The following TADA2A variants were observed in gnomAD, a reference collection of about 807,000 sequenced individuals.
TADA2A encodes transcriptional adapter 2-alpha.
TADA2A carries 38 observed loss-of-function variants against 67.4 expected under a neutral mutation model. The ratio of observed to expected loss-of-function variants is 0.56; its 90% CI spans 0.44 to 0.74. The LOEUF is 0.74. TADA2A is among the 30% of genes least tolerant of loss of function. The probability of loss-of-function intolerance (pLI) is 0.00; values close to 1 mark genes in which losing one functional copy is unlikely to be tolerated. For synonymous variants in TADA2A, 192 were observed against 181.6 expected (o/e 1.06, Z -0.46); for missense variants, 454 against 547.0 (o/e 0.83, Z 1.70).
At chr17:37,454,918 C>A in intron 8 of TADA2A, 1 of 215,272 alleles carries the variant, frequency 4.6e-6, no homozygotes, top group Non-Finnish European at 1.0e-5. Flanking sequence ...TGTCAGCTCC[C>A]CGAGGTGGTT....
chr17:37,412,652 C>T (rs865898209), intron 2 of TADA2A, among the ~76,000 whole-genome samples: 2 of 151,574 alleles, frequency 1.3e-5, no homozygotes, highest in East Asian at 2.0e-4. Flanking sequence ...GGGGTAATGG[C>T]GAGTAACTAT....
chr17:37,446,578 A>G lies in TADA2A; in HGVS notation c.604+1810A>G, dbSNP rs184609121. 5.3e-5 allele frequency among the ~76,000 whole-genome samples: 8 copies of G among 151,160 alleles called. No individual in the cohort carries two copies. In the East Asian group the frequency reaches 1.6e-3, roughly 30 times the overall value. On this transcript the variant is annotated intron_variant, in intron 8 of 15. Transcript: ENST00000615182. ...CGAGAGTTCAAGACCAGCCTGGGCA[A>G]CACAGTGAGACCCTGTCTCTAAAAA...
intron 9 of TADA2A, 83 bp downstream of exon 9, chr17:37,458,670 TGTG>T: frequency 9.3e-7 from 1 of 1,076,178 alleles, no homozygotes; most frequent in Non-Finnish European, 1.3e-6. Context: ...TGTGTGTGTG[TGTG>T]TCTGTGTCTG....
chr17:37,463,042 A>G (rs1044815362), intron 10 of TADA2A, among the ~76,000 whole-genome samples: 13 of 151,964 alleles, frequency 8.6e-5, no homozygotes, highest in African/African-American at 2.9e-4. Context: ...GTGTGATGGT[A>G]TCTTGCTGCA....
chr17:37,433,522 G>A (rs2052632624), intron 4 of TADA2A, among the ~76,000 whole-genome samples: 1 of 151,920 alleles, frequency 6.6e-6, no homozygotes, highest in African/African-American at 2.4e-5. Context: ...AGGTGGGTGT[G>A]GTTGCACATG....
chr17:37,469,324 GC>G (rs2053734775), intron 12 of TADA2A, among the ~76,000 whole-genome samples: 2 of 151,322 alleles, frequency 1.3e-5, no homozygotes, highest in South Asian at 4.2e-4. Flanking sequence ...TTTTGTGTGA[GC>G]CCCAATCTAC....
At chr17:37,445,830 T>A (rs2053062552) in intron 8 of TADA2A, among the ~76,000 whole-genome samples, 1 of 152,136 alleles carries the variant, frequency 6.6e-6, no homozygotes, top group Non-Finnish European at 1.5e-5. Context: ...AATCTGTATT[T>A]CCCAAAGAGC....
At chr17:37,431,459 T>C (rs2052564307) in intron 4 of TADA2A, among the ~76,000 whole-genome samples, 1 of 152,212 alleles carries the variant, frequency 6.6e-6, no homozygotes, top group Non-Finnish European at 1.5e-5. Context: ...GTGGTTGTCA[T>C]TGTAACCAAC....
At chr17:37,463,682 C>G (rs1050543167) in intron 10 of TADA2A, among the ~76,000 whole-genome samples, 1 of 151,840 alleles carries the variant, frequency 6.6e-6, no homozygotes, top group Non-Finnish European at 1.5e-5. Context: ...CAGGGCCTCA[C>G]TCCAGTTGTC....
chr17:37,438,138 C>G (rs902928157), intron 5 of TADA2A: 6 of 218,150 alleles, frequency 2.8e-5, no homozygotes, highest in African/African-American at 1.1e-4. Context: ...TTAGTTATTA[C>G]TCCCTTCTGA....
chr17:37,450,841 C>T (rs2147995756), intron 8 of TADA2A, among the ~76,000 whole-genome samples: 1 of 152,290 alleles, frequency 6.6e-6, no homozygotes, highest in East Asian at 1.9e-4. Flanking sequence ...ATATTGTATT[C>T]AGTTGCTGCT....
At chr17:37,448,896 T>A (rs2053155463) in intron 8 of TADA2A, among the ~76,000 whole-genome samples, 1 of 152,248 alleles carries the variant, frequency 6.6e-6, no homozygotes, top group South Asian at 2.1e-4. Context: ...TTTTTCAAAT[T>A]GTATTTCTTT....
At chr17:37,475,104 A>G (rs1246253597) in intron 15 of TADA2A, among the ~76,000 whole-genome samples, 3 of 152,174 alleles carry the variant, frequency 2.0e-5, no homozygotes, top group Admixed American at 2.0e-4. Flanking sequence ...ACCTAAGGAA[A>G]AGATTTCTAC....
chr17:37,457,354 T>C (rs1195582978), intron 8 of TADA2A, among the ~76,000 whole-genome samples: 1 of 150,750 alleles, frequency 6.6e-6, no homozygotes, highest in East Asian at 2.0e-4. Context: ...CCAATATTTG[T>C]ATTTTTAGTA....
At chr17:37,411,741 A>C (rs543877732) in intron 2 of TADA2A, among the ~76,000 whole-genome samples, 2 of 151,580 alleles carry the variant, frequency 1.3e-5, no homozygotes, top group Non-Finnish European at 2.9e-5. Flanking sequence ...TCAGGTGACT[A>C]TTAATAGCAA....
rs935330631 is a variant in TADA2A at position 37,415,474 on chromosome 17, T to G, written c.25+4084T>G. 5.3e-5 allele frequency among the ~76,000 whole-genome samples: 8 copies of G among 152,176 alleles called. No individual in the cohort carries two copies. In the South Asian group the frequency reaches 1.0e-3, roughly 20 times the overall value. On this transcript the variant is annotated intron_variant, in intron 2 of 15. Transcript: ENST00000615182. ...AACCTTGGATGTGTGTATTTTTGTA[T>G]TATTGGAAATGTATATTCATGGTAA...
intron 8 of TADA2A, among the ~76,000 whole-genome samples, chr17:37,457,303 C>T (rs1243109018): frequency 6.6e-6 from 1 of 150,960 alleles, no homozygotes; most frequent in African/African-American, 2.4e-5. Context: ...GCCTCAGCCT[C>T]CCGAGTAGCT....
At chr17:37,436,568 A>T (rs1597882941) in intron 4 of TADA2A, 2 of 152,060 alleles carry the variant, frequency 1.3e-5, no homozygotes, top group East Asian at 3.9e-4. Context: ...CATGTTGGCC[A>T]GCCTTGTCTT....
At chr17:37,409,210 C>T (rs573490118) in intron 1 of TADA2A, among the ~76,000 whole-genome samples, 150 of 152,170 alleles carry the variant, frequency 9.9e-4, no homozygotes, top group African/African-American at 3.4e-3. Context: ...CTCAGCCTCC[C>T]GAGTAGCTGG....
Sources: allele counts gnomAD v4.1 joint callset (sites outside exome capture counted in the v4.1 genomes callset), GRCh38; gene constraint gnomAD v4.1.1; transcripts MANE v1.5; gene names NCBI Gene and HGNC (gene_info 2026-07-23, HGNC 2026-07-21).